Variants in CDC14B observed in about 807,000 individuals in gnomAD.
CDC14B encodes dual specificity protein phosphatase CDC14B.
Under a neutral mutation model 64.2 loss-of-function variants are expected in CDC14B, and 22 were observed. The observed-to-expected ratio is 0.34, with a 90% CI of 0.24 to 0.49. The LOEUF (loss-of-function observed/expected upper bound fraction) is 0.49, where lower values mean the gene tolerates loss of function less well. Among genes scored for constraint, CDC14B ranks in the 20% least tolerant of loss-of-function variants. CDC14B has a pLI of 0.99. For missense variants in CDC14B, 498 were observed against 629.9 expected (o/e 0.79, Z 2.24); for synonymous variants, 191 against 215.8 (o/e 0.89, Z 1.01).
rs1443923005 is a variant in CDC14B at position 96,617,728 on chromosome 9, CTG to C, written c.160+1489_160+1490del. ...GCCTCTAGAGAAGGACACTTGGAGA[CTG>C]TGAGACCAACTTTTCTGCACGTACT... On this transcript the variant is annotated intron_variant, in intron 1 of 13. Coordinates refer to ENST00000375241, the MANE Select transcript of CDC14B (RefSeq NM_033331.4). Among the ~76,000 whole-genome samples the C allele has an allele frequency of 4.6e-5, 7 of 152,314 alleles. No individual in the cohort carries two copies. The South Asian group carries it at 1.2e-3, about 27-fold the overall frequency.
At chr9:96,571,207 C>A (rs1190272436) in intron 1 of CDC14B, among the ~76,000 whole-genome samples, 1 of 149,550 alleles carries the variant, frequency 6.7e-6, no homozygotes, top group South Asian at 2.1e-4. Flanking sequence ...GACGGAGTCT[C>A]GCTCTGTTGT....
At chr9:96,610,193 A>G (rs1186145604) in intron 1 of CDC14B, among the ~76,000 whole-genome samples, 1 of 151,904 alleles carries the variant, frequency 6.6e-6, no homozygotes, top group African/African-American at 2.4e-5. Flanking sequence ...AGAATACTTC[A>G]TTTATTTATT....
chr9:96,512,653 T>C (rs1835074309), intron 12 of CDC14B, among the ~76,000 whole-genome samples: 1 of 152,168 alleles, frequency 6.6e-6, no homozygotes. Context: ...TATAAAGTGA[T>C]GGGGAAATAT....
In CDC14B at chr9:96,523,329, G is replaced by A. The variant is rs143554801; in HGVS notation, c.1177C>T (p.Leu393Phe). Residue 393 changes from leucine to phenylalanine, a missense_variant, in exon 11 of 14, where the codon CTT (leucine) becomes TTT (phenylalanine). Coordinates refer to ENST00000375241, the MANE Select transcript of CDC14B (RefSeq NM_033331.4). ...GAAATGTCATCAACGCCAGAGAGAA[G>A]TTTGGAGAAGGCTGCTCTGTGTTGT... ...NGQHRAAFSKLLSGVDDISIN... is the reference protein window; with the variant it reads ...NGQHRAAFSKFLSGVDDISIN... 85 of 1,614,038 alleles carry A rather than the reference G, an allele frequency of 5.3e-5. No individual in the cohort carries two copies. The highest frequency in any genetic ancestry group is 1.0e-4 in the Admixed American group (6 of 59,996).
chr9:96,563,611 C>A (rs1295969605), intron 3 of CDC14B, among the ~76,000 whole-genome samples: 1 of 146,774 alleles, frequency 6.8e-6, no homozygotes, highest in Non-Finnish European at 1.5e-5. Context: ...GATTGCTCCA[C>A]TGCACTCCAG....
At chr9:96,521,240 C>T (rs1263151112) in intron 12 of CDC14B, among the ~76,000 whole-genome samples, 1 of 151,996 alleles carries the variant, frequency 6.6e-6, no homozygotes, top group East Asian at 1.9e-4. Context: ...CCATCATGCC[C>T]GGCTAGTTTT....
chr9:96,518,723 A>G (rs1252967873), intron 12 of CDC14B, among the ~76,000 whole-genome samples: 1 of 152,232 alleles, frequency 6.6e-6, no homozygotes, highest in Non-Finnish European at 1.5e-5. Context: ...TGGGAGCCCT[A>G]GAGAACTCTC....
chr9:96,542,656 CTT>C (rs112798812), intron 5 of CDC14B, among the ~76,000 whole-genome samples: 39 of 142,526 alleles, frequency 2.7e-4, no homozygotes, highest in African/African-American at 4.6e-4. Flanking sequence ...ATCTAGCTAA[CTT>C]TTTTTTTTTT....
At chr9:96,545,056 G>A (rs946607570) in intron 5 of CDC14B, among the ~76,000 whole-genome samples, 1 of 152,118 alleles carries the variant, frequency 6.6e-6, no homozygotes, top group Non-Finnish European at 1.5e-5. Context: ...TCGGGATAGG[G>A]CCAGGTAATT....
intron 13 of CDC14B, among the ~76,000 whole-genome samples, chr9:96,495,001 A>AT (rs1332609032): frequency 6.6e-6 from 1 of 150,964 alleles, no homozygotes; most frequent in South Asian, 2.1e-4. Context: ...CGCCCGGCTA[A>AT]TTTTTTGTAT....
chr9:96,509,910 C>G, intron 12 of CDC14B, 121 bp from the exon 13 acceptor site: 1 of 624,288 alleles, frequency 1.6e-6, no homozygotes, highest in Non-Finnish European at 2.8e-6. Context: ...GATTTTCCAT[C>G]AACACATTTA....
chr9:96,613,708 A>G (rs1317758813), intron 1 of CDC14B, among the ~76,000 whole-genome samples: 1 of 152,238 alleles, frequency 6.6e-6, no homozygotes, highest in Non-Finnish European at 1.5e-5. Context: ...TGCACACTAC[A>G]CACTATGATG....
intron 1 of CDC14B, among the ~76,000 whole-genome samples, chr9:96,575,296 T>A (rs1490416993): frequency 6.6e-6 from 1 of 152,184 alleles, no homozygotes; most frequent in East Asian, 1.9e-4. Flanking sequence ...CCCACACAGA[T>A]AAACCAAGCC....
chr9:96,498,410 G>A (rs779883697), downstream of CDC14B, among the ~76,000 whole-genome samples: 90 of 152,148 alleles, frequency 5.9e-4, 1 homozygote, highest in Non-Finnish European at 1.1e-3. Flanking sequence ...ACTTTCCACG[G>A]CAACTTGTAT....
chr9:96,535,389 A>G (rs1839144218), intron 7 of CDC14B, among the ~76,000 whole-genome samples: 1 of 152,220 alleles, frequency 6.6e-6, no homozygotes, highest in Admixed American at 6.5e-5. Context: ...TACCAAGATC[A>G]CAGTATGTCC....
chr9:96,506,471 A>G (rs1465120701), intron 13 of CDC14B, among the ~76,000 whole-genome samples: 2 of 152,218 alleles, frequency 1.3e-5, no homozygotes, highest in African/African-American at 4.8e-5. Flanking sequence ...TGATGTGAAC[A>G]CAGGACAAAG....
At chr9:96,589,926 AC>A (rs1230413661) in intron 1 of CDC14B, among the ~76,000 whole-genome samples, 2 of 151,246 alleles carry the variant, frequency 1.3e-5, no homozygotes, top group African/African-American at 4.9e-5. Context: ...GCACCACTGC[AC>A]CCCAGCCTGG....
intron 5 of CDC14B, among the ~76,000 whole-genome samples, chr9:96,542,737 G>A (rs1435781714): frequency 2.6e-5 from 4 of 151,848 alleles, no homozygotes; most frequent in South Asian, 2.1e-4. Flanking sequence ...TCTGCCGGGC[G>A]CAGTGGCTCA....
At chr9:96,497,686 T>C (rs1242226182), downstream of CDC14B, among the ~76,000 whole-genome samples, 1 of 152,196 alleles carries the variant, frequency 6.6e-6, no homozygotes, top group Non-Finnish European at 1.5e-5. Context: ...TTTTATTTTT[T>C]TTACTAGGCA....
Sources: gnomAD v4.1 joint callset for allele counts (sites outside exome capture counted in the v4.1 genomes callset) on GRCh38, gnomAD v4.1.1 for gene constraint, MANE v1.5 for transcripts, NCBI Gene and HGNC (gene_info 2026-07-23, HGNC 2026-07-21) for gene names.